Variants in RGS6 observed in about 807,000 individuals in gnomAD.
RGS6 encodes regulator of G protein signaling 6.
In RGS6, 30 loss-of-function variants were observed where a neutral mutation model predicts 78.5. The ratio of observed to expected loss-of-function variants is 0.38; its 90% CI spans 0.29 to 0.52. The LOEUF (loss-of-function observed/expected upper bound fraction) is 0.52. RGS6 is among the 20% of genes least tolerant of loss of function. RGS6 has a pLI of 0.85. For synonymous variants in RGS6, 206 were observed against 206.0 expected (o/e 1.00, Z 0.00); for missense variants, 495 against 609.7 (o/e 0.81, Z 1.98).
intron 8 of RGS6, among the ~76,000 whole-genome samples, chr14:72,471,632 C>T (rs1161567382): frequency 2.6e-5 from 4 of 152,168 alleles, no homozygotes. Context: ...GCCATCTGGT[C>T]CAGTGGCCTG....
intron 2 of RGS6, among the ~76,000 whole-genome samples, chr14:72,001,644 G>C (rs939605679): frequency 6.6e-6 from 1 of 151,952 alleles, no homozygotes; most frequent in Non-Finnish European, 1.5e-5. Flanking sequence ...TTACACCTTG[G>C]TTTGTGGCTT....
chr14:72,126,008 C>T (rs913506280), intron 2 of RGS6, among the ~76,000 whole-genome samples: 16 of 152,138 alleles, frequency 1.1e-4, no homozygotes, highest in African/African-American at 3.9e-4. Context: ...GTTTTAAGAT[C>T]AACTAGAAGT....
At chr14:72,342,686 G>A (rs1181965448) in intron 2 of RGS6, among the ~76,000 whole-genome samples, 4 of 140,668 alleles carry the variant, frequency 2.8e-5, no homozygotes, top group Non-Finnish European at 4.5e-5. Flanking sequence ...GCCGAGGTCA[G>A]GCCACTGCAC....
chr14:72,308,692 A>T (rs898671176), intron 2 of RGS6, among the ~76,000 whole-genome samples: 1 of 152,230 alleles, frequency 6.6e-6, no homozygotes, highest in African/African-American at 2.4e-5. Flanking sequence ...CATACAGAGC[A>T]CTTGGCCATG....
intron 17 of RGS6, chr14:72,552,453 CCTA>C (rs1256773339): frequency 1.3e-5 from 2 of 152,212 alleles, no homozygotes. Context: ...CATTTGGCCG[CCTA>C]CTGAGTTGAA....
At chr14:71,922,890 A>ACAAAT in the RGS6 span, among the ~76,000 whole-genome samples, 1 of 151,228 alleles carries the variant, frequency 6.6e-6, no homozygotes, top group Non-Finnish European at 1.5e-5. Flanking sequence ...ACAAAACAAA[A>ACAAAT]AAAGGAACCT....
chr14:72,338,982 A>G (rs1004755039), intron 2 of RGS6, among the ~76,000 whole-genome samples: 1 of 152,278 alleles, frequency 6.6e-6, no homozygotes, highest in African/African-American at 2.4e-5. Flanking sequence ...CTTTAAAAAA[A>G]TAAAAAATAA....
chr14:72,399,984 A>T (rs1414841419), intron 3 of RGS6, among the ~76,000 whole-genome samples: 1 of 152,326 alleles, frequency 6.6e-6, no homozygotes, highest in East Asian at 1.9e-4. Context: ...ATCCAAGAGA[A>T]CTTCCCCAAT....
chr14:72,419,180 T>A (rs911545643), intron 3 of RGS6, among the ~76,000 whole-genome samples: 4 of 152,250 alleles, frequency 2.6e-5, no homozygotes, highest in African/African-American at 9.6e-5. Flanking sequence ...CCATGGTTGT[T>A]ATCTTTTGAT....
chr14:72,467,184 G>C (rs967154458), intron 7 of RGS6, among the ~76,000 whole-genome samples: 1 of 151,858 alleles, frequency 6.6e-6, no homozygotes, highest in African/African-American at 2.4e-5. Context: ...ACTTTACATG[G>C]GTCACAGAGA....
At chr14:72,062,574 T>G (rs2093946735) in intron 2 of RGS6, among the ~76,000 whole-genome samples, 1 of 152,256 alleles carries the variant, frequency 6.6e-6, no homozygotes, top group South Asian at 2.1e-4. Context: ...GGGTTCAAGA[T>G]ATCTTTTGAA....
At chr14:71,937,238 C>G (rs1006719115) in intron 1 of RGS6, among the ~76,000 whole-genome samples, 3 of 152,132 alleles carry the variant, frequency 2.0e-5, no homozygotes, top group Non-Finnish European at 1.5e-5. Context: ...TCTTAACTTC[C>G]AGTTTAATGG....
intron 14 of RGS6, among the ~76,000 whole-genome samples, chr14:72,516,258 C>T (rs2096941461): frequency 6.6e-6 from 1 of 152,216 alleles, no homozygotes; most frequent in South Asian, 2.1e-4. Flanking sequence ...TGGCAAGCCT[C>T]CCGGCCACTT....
chr14:72,145,096 T>A (rs549708939), intron 2 of RGS6, among the ~76,000 whole-genome samples: 118 of 152,178 alleles, frequency 7.8e-4, no homozygotes, highest in African/African-American at 2.7e-3. Flanking sequence ...GTCTGGGTGG[T>A]GTCAGCTGAT....
rs2153664943 is a variant in RGS6, at chr14:72,163,218, TAAAAA to T, written c.85-188876_85-188872del. ...ATGGAAATAAAAAATTAAAAAATAA[TAAAAA>T]TAAAATAAAATCTTTATAAGACTAC... On this transcript the variant is annotated intron_variant, in intron 2 of 17. Transcript: ENST00000553525. Among the ~76,000 whole-genome samples the T allele has an allele frequency of 1.3e-5, 2 of 152,218 alleles. 1 individual carries two copies. Among genetic ancestry groups the T allele is most frequent in the South Asian group, 4.1e-4 (2 of 4,828 alleles).
Position 72,148,004 on chromosome 14 carries a change from G to A in RGS6, c.84+183129G>A, listed in dbSNP as rs146820308. On this transcript the variant is annotated intron_variant, in intron 2 of 17. Coordinates refer to ENST00000553525, the MANE Select transcript of RGS6 (RefSeq NM_001204424.2). ...AAATTAGCTGGGCATGGTGGCAGGC[G>A]TCTGTAGTCCCAGCTATTCAGGAGA... 7.2e-4 allele frequency among the ~76,000 whole-genome samples: 110 copies of A among 152,024 alleles called. 4 individuals carry two copies. In the East Asian group the frequency reaches 0.018, roughly 25 times the overall value.
At chr14:72,353,719 A>G (rs2079599803) in intron 3 of RGS6, among the ~76,000 whole-genome samples, 1 of 152,182 alleles carries the variant, frequency 6.6e-6, no homozygotes, top group Non-Finnish European at 1.5e-5. Flanking sequence ...ATGATGGCTC[A>G]TGCCTGTAAT....
intron 2 of RGS6, among the ~76,000 whole-genome samples, chr14:72,189,832 A>G (rs1215320703): frequency 9.9e-5 from 15 of 152,178 alleles, no homozygotes; most frequent in Admixed American, 9.8e-4. Flanking sequence ...ATTCAGGTCC[A>G]TCAGGTCTTG....
intron 2 of RGS6, among the ~76,000 whole-genome samples, chr14:72,143,729 C>A (rs954739023): frequency 5.3e-5 from 8 of 152,142 alleles, no homozygotes; most frequent in Non-Finnish European, 1.5e-5. Flanking sequence ...GGTTGAATAT[C>A]CAACATTTTC....
Sources: allele counts gnomAD v4.1 joint callset (sites outside exome capture counted in the v4.1 genomes callset), GRCh38; gene constraint gnomAD v4.1.1; transcripts MANE v1.5; gene names NCBI Gene and HGNC (gene_info 2026-07-23, HGNC 2026-07-21).